The following PTPRZ1 variants were observed in gnomAD, a reference collection of about 807,000 sequenced individuals.
PTPRZ1 encodes the protein protein tyrosine phosphatase receptor type Z1.
PTPRZ1 carries 82 observed loss-of-function variants against 214.1 expected under a neutral mutation model. That is an observed-to-expected ratio of 0.38 (90% CI 0.32 to 0.46). The LOEUF (loss-of-function observed/expected upper bound fraction) is 0.46. Ranked by LOEUF, PTPRZ1 falls within the 20% of genes least tolerant of loss-of-function variation. The pLI is 1.00. For missense variants in PTPRZ1, 2,603 were observed against 2,748.7 expected, an observed-to-expected ratio of 0.95 and a Z score of 1.19; for synonymous variants, 945 against 987.9, an observed-to-expected ratio of 0.96 and a Z score of 0.81.
At chr7:121,941,298 GC>G (rs1796234664) in intron 2 of PTPRZ1, among the ~76,000 whole-genome samples, 1 of 152,182 alleles carries the variant, frequency 6.6e-6, no homozygotes. Flanking sequence ...GACTCCTAGG[GC>G]CCTGGCCAGA....
intron 1 of PTPRZ1, among the ~76,000 whole-genome samples, chr7:121,904,515 A>G (rs1052943921): frequency 2.6e-5 from 4 of 152,162 alleles, no homozygotes; most frequent in African/African-American, 7.2e-5. Flanking sequence ...CATAATTACT[A>G]TAACAATTAT....
chr7:121,920,547 T>C (rs549079689), intron 1 of PTPRZ1, among the ~76,000 whole-genome samples: 1 of 152,232 alleles, frequency 6.6e-6, no homozygotes, highest in South Asian at 2.1e-4. Context: ...CAACATTGGG[T>C]TTTTCTCTTA....
At chr7:121,886,871 G>C (rs1231208371) in intron 1 of PTPRZ1, among the ~76,000 whole-genome samples, 1 of 152,040 alleles carries the variant, frequency 6.6e-6, no homozygotes, top group Non-Finnish European at 1.5e-5. Context: ...AGGACCTATA[G>C]GTTCTTTTGA....
At chr7:121,924,753 C>A (rs573031728) in intron 1 of PTPRZ1, among the ~76,000 whole-genome samples, 1 of 152,202 alleles carries the variant, frequency 6.6e-6, no homozygotes, top group Non-Finnish European at 1.5e-5. Flanking sequence ...CACCACAATG[C>A]ATAACAAAAA....
intron 13 of PTPRZ1, among the ~76,000 whole-genome samples, chr7:122,022,397 TTTTG>T (rs1799044359): frequency 6.6e-6 from 1 of 152,104 alleles, no homozygotes; most frequent in Admixed American, 6.5e-5. Flanking sequence ...TGAGTTGTGG[TTTTG>T]TTTGTTTGTT....
chr7:122,005,242 A>C (rs1798451107), intron 11 of PTPRZ1, among the ~76,000 whole-genome samples: 1 of 152,002 alleles, frequency 6.6e-6, no homozygotes, highest in South Asian at 2.1e-4. Flanking sequence ...TGAGACTATA[A>C]ATTTTAACAT....
chr7:122,021,739 C>CA (rs144413577), intron 13 of PTPRZ1, among the ~76,000 whole-genome samples: 14,448 of 147,600 alleles, frequency 0.098, 872 homozygotes, highest in East Asian at 0.2. Context: ...GACACTGTCT[C>CA]AAAAAAAAAA....
chr7:121,927,296 G>A (rs1206504), intron 1 of PTPRZ1, among the ~76,000 whole-genome samples: 104,327 of 152,144 alleles, frequency 0.69, 37,366 homozygotes, highest in African/African-American at 0.91. Context: ...TTTACCCACA[G>A]TGTAGCTGAA....
At chr7:121,940,789 C>T (rs1796217440) in intron 2 of PTPRZ1, among the ~76,000 whole-genome samples, 1 of 151,906 alleles carries the variant, frequency 6.6e-6, no homozygotes, top group African/African-American at 2.4e-5. Flanking sequence ...TATGATTCTC[C>T]CCATCACCTG....
chr7:122,050,778 C>T (rs1472560148), intron 23 of PTPRZ1, among the ~76,000 whole-genome samples: 1 of 152,040 alleles, frequency 6.6e-6, no homozygotes, highest in Non-Finnish European at 1.5e-5. Flanking sequence ...CACAATTTCA[C>T]AGAAATTAAG....
intron 2 of PTPRZ1, among the ~76,000 whole-genome samples, chr7:121,934,436 C>T (rs918481225): frequency 7.9e-5 from 11 of 139,032 alleles, no homozygotes; most frequent in African/African-American, 2.5e-4. Context: ...TGCAGTGAGC[C>T]GAGATCGCGC....
chr7:121,875,056 AG>A lies in PTPRZ1; in HGVS notation c.58+1500del, dbSNP rs1397039328. ...GCGGATCTCTTTGAAAAAAAAAAAA[AG>A]ATAAAATTCACACATTATACAATTC... On this transcript the variant is annotated intron_variant, in intron 1 of 29. Coordinates refer to ENST00000393386, the MANE Select transcript of PTPRZ1 (RefSeq NM_002851.3). 2.8e-3 allele frequency among the ~76,000 whole-genome samples: 427 copies of A among 150,110 alleles called. 2 individuals are homozygous for A. The highest frequency in any genetic ancestry group is 8.0e-3 in the Admixed American group (120 of 15,048).
chr7:122,058,929 A>T lies in PTPRZ1; in HGVS notation c.6658A>T (p.Ile2220Phe). The change falls in exon 28 of 30, where the codon ATT becomes TTT. Residue 2220 changes from isoleucine to phenylalanine, a missense_variant. Coordinates refer to ENST00000393386, the MANE Select transcript of PTPRZ1 (RefSeq NM_002851.3). ...EEAANRDGPM[I>F]VHDEHGGVTA... is the part of the protein sequence containing the mutation. ...AGCTGCCAATAGGGATGGGCCTATG[A>T]TTGTTCATGATGAGTAAGTTCCATG... 1 of 1,587,684 alleles carries T rather than the reference A, an allele frequency of 6.3e-7. No individual in the cohort carries two copies. Among genetic ancestry groups the T allele is most frequent in the East Asian group, 2.2e-5 (1 of 44,752 alleles).
chr7:122,025,352 A>C (rs1162546230), intron 13 of PTPRZ1, among the ~76,000 whole-genome samples: 1 of 145,390 alleles, frequency 6.9e-6, no homozygotes. Flanking sequence ...TTTTTGAGAC[A>C]GAGTTTCACT....
chr7:121,923,514 T>TTG (rs1795663128), intron 1 of PTPRZ1, among the ~76,000 whole-genome samples: 1 of 152,070 alleles, frequency 6.6e-6, no homozygotes, highest in African/African-American at 2.4e-5. Flanking sequence ...GTGTATGTGT[T>TTG]TGTGTGTGTA....
chr7:121,964,481 A>G (rs1033785856), intron 2 of PTPRZ1, among the ~76,000 whole-genome samples: 5 of 152,154 alleles, frequency 3.3e-5, no homozygotes, highest in Non-Finnish European at 5.9e-5. Context: ...AACCGCCTCA[A>G]TGATTCAATT....
At chr7:122,045,472 C>T (rs563548899) in intron 23 of PTPRZ1, among the ~76,000 whole-genome samples, 9 of 152,004 alleles carry the variant, frequency 5.9e-5, no homozygotes, top group South Asian at 2.1e-4. Context: ...AATTACTGCA[C>T]GGTGTGCCTT....
intron 2 of PTPRZ1, among the ~76,000 whole-genome samples, chr7:121,958,545 T>C (rs1034373069): frequency 6.6e-6 from 1 of 152,212 alleles, no homozygotes; most frequent in African/African-American, 2.4e-5. Context: ...TGGTTATAAA[T>C]GTATGCTATC....
At chr7:121,975,965 C>T (rs1797417186) in intron 4 of PTPRZ1, among the ~76,000 whole-genome samples, 1 of 152,056 alleles carries the variant, frequency 6.6e-6, no homozygotes, top group African/African-American at 2.4e-5. Flanking sequence ...ACGGCACAGT[C>T]CCCTGGTAAT....
Sources: allele counts gnomAD v4.1 joint callset (sites outside exome capture counted in the v4.1 genomes callset), GRCh38; gene constraint gnomAD v4.1.1; transcripts MANE v1.5; gene names NCBI Gene and HGNC (gene_info 2026-07-23, HGNC 2026-07-21).